MBD5: variants seen among roughly 807,000 people sequenced by gnomAD.
The protein encoded by MBD5 is methyl-CpG binding domain protein 5.
A neutral mutation model predicts 117.3 loss-of-function variants in MBD5; 13 were observed. The observed-to-expected ratio is 0.11, with a 90% confidence interval of 0.07 to 0.18. The LOEUF is 0.18. Among genes scored for constraint, MBD5 ranks in the 10% least tolerant of loss-of-function variants. The probability of loss-of-function intolerance (pLI) is 1.00; values close to 1 mark genes in which losing one functional copy is unlikely to be tolerated. For missense variants in MBD5, 1,879 were observed against 2,093.8 expected, an observed-to-expected ratio of 0.90 and a Z score of 2.00; for synonymous variants, 727 against 766.4, an observed-to-expected ratio of 0.95 and a Z score of 0.85.
At chr2:148,474,450 A>G (rs1478403848) in intron 8 of MBD5, among the ~76,000 whole-genome samples, 1 of 152,132 alleles carries the variant, frequency 6.6e-6, no homozygotes, top group Non-Finnish European at 1.5e-5. Context: ...CCTTCTTCCA[A>G]TATGATAAAG....
At chr2:148,263,073 G>A (rs966672733) in intron 3 of MBD5, among the ~76,000 whole-genome samples, 2 of 152,198 alleles carry the variant, frequency 1.3e-5, no homozygotes, top group African/African-American at 4.8e-5. Flanking sequence ...TTGATATTTG[G>A]ATGGAGAATA....
intron 4 of MBD5, among the ~76,000 whole-genome samples, chr2:148,442,872 A>T (rs1706370221): frequency 6.6e-6 from 1 of 151,474 alleles, no homozygotes; most frequent in South Asian, 2.1e-4. Context: ...AGCACAGGAA[A>T]CAAAAGCAAA....
At chr2:148,100,937 G>T (rs765019010) in intron 1 of MBD5, among the ~76,000 whole-genome samples, 2 of 151,502 alleles carry the variant, frequency 1.3e-5, no homozygotes, top group African/African-American at 2.4e-5. Flanking sequence ...TGATTGATTG[G>T]CATCTTTGTA....
intron 2 of MBD5, among the ~76,000 whole-genome samples, chr2:148,183,211 A>G (rs1205616522): frequency 2.0e-5 from 3 of 152,094 alleles, no homozygotes; most frequent in African/African-American, 7.2e-5. Flanking sequence ...TTTGATATAT[A>G]CTATATATCA....
intron 4 of MBD5, among the ~76,000 whole-genome samples, chr2:148,445,443 A>G (rs10221920): frequency 0.27 from 41,008 of 150,762 alleles, 6,589 homozygotes; most frequent in African/African-American, 0.38. Context: ...AGCTTCATCC[A>G]TGTCCCTACA....
intron 4 of MBD5, among the ~76,000 whole-genome samples, chr2:148,420,709 GTTTT>G (rs1705576075): frequency 1.3e-5 from 2 of 148,220 alleles, no homozygotes; most frequent in Admixed American, 1.3e-4. Context: ...GTTTTGTTTT[GTTTT>G]GTTTTGTTTT....
At chr2:148,406,810 CT>C (rs1316474007) in intron 4 of MBD5, among the ~76,000 whole-genome samples, 1 of 152,208 alleles carries the variant, frequency 6.6e-6, no homozygotes, top group African/African-American at 2.4e-5. Context: ...TACTCTTCCC[CT>C]GATTCTCTTC....
Position 148,428,921 on chromosome 2 carries a change from AGACATAG to A in MBD5, c.-556-29280_-556-29274del, listed in dbSNP as rs1337886926. On this transcript the variant is annotated intron_variant, in intron 4 of 13. Transcript: ENST00000642680. ...AAGAAAACCTGGGCACTACCATTCAAGACATAGGCATGGGCAAAGCCTTCATGACCAA... is the reference window on the plus strand; with the variant it reads ...AAGAAAACCTGGGCACTACCATTCAAGCATGGGCAAAGCCTTCATGACCAA... 3.3e-5 allele frequency among the ~76,000 whole-genome samples: 5 copies of A among 152,214 alleles called. No homozygotes were observed. The East Asian group carries it at 9.7e-4, about 29-fold the overall frequency.
chr2:148,300,656 G>C (rs1050783552), intron 3 of MBD5, among the ~76,000 whole-genome samples: 4 of 152,098 alleles, frequency 2.6e-5, no homozygotes, highest in Non-Finnish European at 5.9e-5. Context: ...CTCTGAATCA[G>C]AGACATTTTC....
chr2:148,132,143 TCTA>T (rs986702159), intron 1 of MBD5, among the ~76,000 whole-genome samples: 19 of 152,064 alleles, frequency 1.2e-4, no homozygotes, highest in Non-Finnish European at 8.8e-5. Flanking sequence ...AATGAGATAA[TCTA>T]CTGAGTATAA....
chr2:148,289,375 T>C (rs1408300285), intron 3 of MBD5, among the ~76,000 whole-genome samples: 1 of 152,102 alleles, frequency 6.6e-6, no homozygotes, highest in Non-Finnish European at 1.5e-5. Flanking sequence ...GGTAAGACAA[T>C]AGTGCTCATG....
At chr2:148,496,296 A>T (rs540223598) in intron 11 of MBD5, among the ~76,000 whole-genome samples, 2 of 152,328 alleles carry the variant, frequency 1.3e-5, no homozygotes, top group South Asian at 4.1e-4. Flanking sequence ...AGGCCAATAA[A>T]GTCAATTCCT....
At chr2:148,352,117 T>C (rs1439807988) in intron 4 of MBD5, among the ~76,000 whole-genome samples, 1 of 152,002 alleles carries the variant, frequency 6.6e-6, no homozygotes, top group African/African-American at 2.4e-5. Flanking sequence ...TTCTTGCTCT[T>C]CCAAAGCAGA....
chr2:148,161,189 G>C (rs1355126300), intron 1 of MBD5, among the ~76,000 whole-genome samples: 1 of 152,154 alleles, frequency 6.6e-6, no homozygotes, highest in African/African-American at 2.4e-5. Flanking sequence ...TGGGCAATAT[G>C]TGACCACAAA....
intron 4 of MBD5, among the ~76,000 whole-genome samples, chr2:148,376,830 A>AT (rs2105401936): frequency 1.1e-5 from 1 of 93,536 alleles, no homozygotes; most frequent in African/African-American, 4.0e-5. Context: ...TATAATATAT[A>AT]TAACATATAT....
rs982978381 is a variant in MBD5, at chr2:148,166,517, G to T, written c.-924-12183G>T. 5.9e-5 allele frequency among the ~76,000 whole-genome samples: 9 copies of T among 152,162 alleles called. No homozygotes were observed. The East Asian group carries it at 9.6e-4, about 16-fold the overall frequency. ...AATCTGCAGAAACTCAGAGCCTAGT[G>T]TTTCTCCCAAGTGCTGGCTGTTTTG... On this transcript the variant is annotated intron_variant, in intron 1 of 13. Coordinates refer to ENST00000642680, the MANE Select transcript of MBD5 (RefSeq NM_001378120.1).
At chr2:148,125,245 A>G (rs1696862924) in intron 1 of MBD5, among the ~76,000 whole-genome samples, 1 of 151,816 alleles carries the variant, frequency 6.6e-6, no homozygotes, top group African/African-American at 2.4e-5. Flanking sequence ...TTCTTTATTT[A>G]GGAGCTAGGG....
Position 148,483,446 on chromosome 2 carries a change from A to G in MBD5, c.2855A>G (p.Glu952Gly). The change falls in exon 9 of 14, where the codon GAG becomes GGG. Residue 952 changes from glutamate (E) to glycine (G), a missense_variant. Glu to Gly is a moderately conservative substitution (Grantham distance 98, BLOSUM62 -2). Around this residue, in one of 4 missense-constraint regions of MBD5, gnomAD observed 1,666 missense variants for 1,792.2 expected, o/e 0.93. Coordinates refer to ENST00000642680, the MANE Select transcript of MBD5 (RefSeq NM_001378120.1). Reference sequence around the variant, plus strand: ...CCTTCAGCAGGAGAAGGCAAGTCTGAGATCAACCTCCACCCTTTAGGTTTT... The same window carrying G: ...CCTTCAGCAGGAGAAGGCAAGTCTGGGATCAACCTCCACCCTTTAGGTTTT... ...LQPSAGEGKS[E>G]INLHPLGFLN... The G allele has an allele frequency of 2.5e-6, 4 of 1,614,068 alleles. No individual in the cohort carries two copies. The highest frequency in any genetic ancestry group is 3.4e-6 in the Non-Finnish European group (4 of 1,179,954).
At chr2:148,243,238 A>G (rs1023306143) in intron 3 of MBD5, among the ~76,000 whole-genome samples, 2 of 152,082 alleles carry the variant, frequency 1.3e-5, no homozygotes, top group African/African-American at 2.4e-5. Flanking sequence ...TCCTGTCAGG[A>G]CGTGATTTCT....
Sources: allele counts gnomAD v4.1 joint callset (sites outside exome capture counted in the v4.1 genomes callset), GRCh38; gene constraint gnomAD v4.1.1; regional missense constraint gnomAD v4.1.1; transcripts MANE v1.5; gene names NCBI Gene and HGNC (gene_info 2026-07-23, HGNC 2026-07-21).